KIAA2012: variants seen among roughly 807,000 people sequenced by gnomAD.
The protein encoded by KIAA2012 is KIAA2012, also known as uncharacterized protein KIAA2012.
A neutral mutation model predicts 150.6 loss-of-function variants in KIAA2012; 125 were observed. The observed-to-expected ratio is 0.83, with a 90% CI of 0.72 to 0.96. KIAA2012 has a LOEUF of 0.96. KIAA2012 is among the 40% of genes least tolerant of loss of function. KIAA2012 has a pLI of 0.00. For missense variants in KIAA2012, 1,219 were observed against 1,354.9 expected (o/e 0.90, Z 1.57); for synonymous variants, 462 against 504.7 (o/e 0.92, Z 1.13).
At position 202,196,859 on chromosome 2, in the gene KIAA2012, C is replaced by G; in HGVS notation, c.3247C>G (p.Leu1083Val). 2 of 1,550,624 alleles carry G rather than the reference C, an allele frequency of 1.3e-6. No homozygotes were observed. The highest frequency in any genetic ancestry group is 1.7e-6 in the Non-Finnish European group (2 of 1,147,004). The change falls in exon 22 of 24, where the codon CTG (leucine) becomes GTG (valine). Residue 1083 changes from leucine to valine, a missense_variant. Physicochemically the swap from Leu to Val is conservative, Grantham distance 32 (BLOSUM62 1). Coordinates refer to ENST00000498697, the MANE Select transcript of KIAA2012 (RefSeq NM_001277372.4). ...EMQLEEEQKH[L>V]MEMAEEERLE... ...GCAGTTAGAAGAAGAACAAAAACAC[C>G]TGATGGAAATGGCTGAAGAGGAACG...
intron 1 of KIAA2012, 132 bp from the exon 2 acceptor site, chr2:202,074,759 T>A: frequency 1.1e-6 from 1 of 910,650 alleles, no homozygotes; most frequent in Non-Finnish European, 1.6e-6. Flanking sequence ...AGCAATTGTG[T>A]TCCATAACAC....
At chr2:202,106,068 C>G in intron 9 of KIAA2012, 158 bp downstream of exon 9, 2 of 1,523,752 alleles carry the variant, frequency 1.3e-6, no homozygotes, top group Non-Finnish European at 1.8e-6. Context: ...CAGCAGCTGC[C>G]TTCACCAAAG....
intron 12 of KIAA2012, chr2:202,137,729 C>T (rs1313549201): frequency 2.6e-5 from 4 of 152,232 alleles, no homozygotes; most frequent in Non-Finnish European, 5.9e-5. Flanking sequence ...CAAAACCTCA[C>T]TAGTGGTACA....
At chr2:202,097,601 TTTC>T in intron 5 of KIAA2012, 24 bp downstream of exon 5, 4 of 1,532,404 alleles carry the variant, frequency 2.6e-6, no homozygotes, top group Non-Finnish European at 3.5e-6. Context: ...TTTTTTTTTT[TTTC>T]CCCGAGACGG....
chr2:202,073,915 C>T (rs572949923), intron 1 of KIAA2012, among the ~76,000 whole-genome samples: 1 of 151,790 alleles, frequency 6.6e-6, no homozygotes, highest in East Asian at 1.9e-4. Context: ...CTGAGGCCCT[C>T]ATCTTTCCCC....
chr2:202,109,633 G>A lies in KIAA2012; in HGVS notation c.1495G>A (p.Asp499Asn), dbSNP rs201421662. 34 of 1,538,362 alleles carry A rather than the reference G, an allele frequency of 2.2e-5. No homozygotes were observed. Among genetic ancestry groups the A allele is most frequent in the South Asian group, 3.7e-5 (3 of 82,042 alleles). ...TAAAGATGATGATGCCCCACCTCACGATGTGGCCCCACCATTGGATCTTCT... is the reference window on the plus strand; with the variant it reads ...TAAAGATGATGATGCCCCACCTCACAATGTGGCCCCACCATTGGATCTTCT... ...SPQDDDAPPH[D>N]VAPPLDLLPP... The change falls in exon 10 of 24, where the codon GAT becomes AAT. Residue 499 changes from aspartate (D) to asparagine (N), a missense_variant. Physicochemically the swap from Asp to Asn is conservative, Grantham distance 23. Coordinates refer to ENST00000498697, the MANE Select transcript of KIAA2012 (RefSeq NM_001277372.4).
At chr2:202,179,236 G>A (rs1692065659) in intron 15 of KIAA2012, 5 of 723,750 alleles carry the variant, frequency 6.9e-6, no homozygotes, top group South Asian at 4.3e-5. Context: ...GAACAATTTG[G>A]CAGTAGGCAT....
intron 14 of KIAA2012, among the ~76,000 whole-genome samples, chr2:202,156,840 A>C (rs146157546): frequency 6.6e-6 from 1 of 152,030 alleles, no homozygotes; most frequent in African/African-American, 2.4e-5. Flanking sequence ...AGCCCAGATC[A>C]CGCCACTGCA....
intron 7 of KIAA2012, among the ~76,000 whole-genome samples, chr2:202,101,912 T>A (rs369212685): frequency 6.6e-6 from 1 of 152,196 alleles, no homozygotes; most frequent in South Asian, 2.1e-4. Flanking sequence ...ATCTTTTTTT[T>A]TCTTTTTGAG....
intron 19 of KIAA2012, among the ~76,000 whole-genome samples, chr2:202,190,745 C>T (rs997561876): frequency 6.6e-6 from 1 of 152,106 alleles, no homozygotes; most frequent in Non-Finnish European, 1.5e-5. Flanking sequence ...GGGCAAGTAT[C>T]CACCCTTTAA....
intron 15 of KIAA2012, among the ~76,000 whole-genome samples, chr2:202,175,407 T>C (rs1691971981): frequency 6.6e-6 from 1 of 152,246 alleles, no homozygotes; most frequent in Admixed American, 6.5e-5. Context: ...GTTGTCATGG[T>C]CTGAATGTTT....
chr2:202,117,274 A>T (rs983929181), intron 11 of KIAA2012, among the ~76,000 whole-genome samples: 1 of 152,238 alleles, frequency 6.6e-6, no homozygotes, highest in Non-Finnish European at 1.5e-5. Flanking sequence ...GATTTGGTTG[A>T]CAGAAAGATG....
At chr2:202,174,592 G>T (rs1691955541) in intron 15 of KIAA2012, among the ~76,000 whole-genome samples, 1 of 152,078 alleles carries the variant, frequency 6.6e-6, no homozygotes, top group Admixed American at 6.5e-5. Context: ...AATTTAAAAG[G>T]AATTGTTATT....
chr2:202,204,499 G>C (rs1692602068), intron 23 of KIAA2012, among the ~76,000 whole-genome samples: 1 of 152,140 alleles, frequency 6.6e-6, no homozygotes, highest in Non-Finnish European at 1.5e-5. Context: ...TTTAAATCTA[G>C]AGCATCTGAA....
chr2:202,118,561 T>C (rs550348728), intron 11 of KIAA2012, among the ~76,000 whole-genome samples: 70 of 151,914 alleles, frequency 4.6e-4, no homozygotes, highest in African/African-American at 1.5e-3. Flanking sequence ...AGTTACTGTA[T>C]AGTAACTCTG....
chr2:202,203,242 T>A lies in KIAA2012; in HGVS notation c.*20+655T>A, dbSNP rs868858155. On this transcript the variant is annotated intron_variant, in intron 23 of 23. Transcript: ENST00000498697. ...ATGTATCTGAAAGAGTTTAGATAAA[T>A]GAAAATTTTGTAATGCAAAATTTTG... is the stretch of plus-strand genomic sequence containing the variant. Among the ~76,000 whole-genome samples the A allele has an allele frequency of 2.8e-4, 42 of 152,304 alleles. No homozygotes were observed. In the Middle Eastern group the frequency reaches 0.01, roughly 37 times the overall value.
chr2:202,192,806 G>A (rs1483494050), intron 19 of KIAA2012, among the ~76,000 whole-genome samples: 2 of 152,216 alleles, frequency 1.3e-5, no homozygotes, highest in East Asian at 1.9e-4. Context: ...CAGGAGTGCA[G>A]TGGCATGATC....
Position 202,196,875 on chromosome 2 carries a change from A to C in KIAA2012, c.3263A>C (p.Glu1088Ala). The change falls in exon 22 of 24, where the codon GAA becomes GCA. Residue 1088 changes from glutamate to alanine, a missense_variant. Glu to Ala is a moderately radical substitution (Grantham distance 107). Coordinates refer to ENST00000498697, the MANE Select transcript of KIAA2012 (RefSeq NM_001277372.4). ...EEQKHLMEMA[E>A]EERLEYQRRK... ...CAAAAACACCTGATGGAAATGGCTG[A>C]AGAGGAACGACTGGAGTACCAGCGG... 1 of 1,550,758 alleles carries C rather than the reference A, an allele frequency of 6.4e-7. No individual in the cohort carries two copies. Among genetic ancestry groups the C allele is most frequent in the Non-Finnish European group, 8.7e-7 (1 of 1,147,008 alleles).
At chr2:202,081,320 A>G (rs1689447067) in intron 2 of KIAA2012, among the ~76,000 whole-genome samples, 1 of 152,122 alleles carries the variant, frequency 6.6e-6, no homozygotes, top group Non-Finnish European at 1.5e-5. Context: ...TGGATGTACA[A>G]ATATCTGTTC....
Sources: gnomAD v4.1 joint callset for allele counts (sites outside exome capture counted in the v4.1 genomes callset) on GRCh38, gnomAD v4.1.1 for gene constraint, MANE v1.5 for transcripts, NCBI Gene and HGNC (gene_info 2026-07-23, HGNC 2026-07-21) for gene names.